Variants in CNTN4 observed in about 807,000 individuals in gnomAD.
CNTN4 encodes contactin-4.
A neutral mutation model predicts 122.5 loss-of-function variants in CNTN4; 77 were observed. The ratio of observed to expected loss-of-function variants is 0.63; its 90% CI spans 0.52 to 0.76. CNTN4 has a LOEUF of 0.76. Ranked by LOEUF, CNTN4 falls within the 30% of genes least tolerant of loss-of-function variation. The probability of loss-of-function intolerance (pLI) is 0.00; values close to 1 mark genes in which losing one functional copy is unlikely to be tolerated. For missense variants in CNTN4, 1,256 were observed against 1,259.1 expected, an observed-to-expected ratio of 1.00 and a Z score of 0.04; for synonymous variants, 512 against 447.0, an observed-to-expected ratio of 1.15 and a Z score of -1.83.
At chr3:2,535,865 T>G (rs371557653) in intron 3 of CNTN4, among the ~76,000 whole-genome samples, 19 of 152,244 alleles carry the variant, frequency 1.2e-4, no homozygotes, top group South Asian at 1.0e-3. Flanking sequence ...TCAAAATGTT[T>G]GAGATGTCTC....
chr3:2,238,263 A>AT (rs2039761586), intron 2 of CNTN4, among the ~76,000 whole-genome samples: 1 of 152,108 alleles, frequency 6.6e-6, no homozygotes, highest in South Asian at 2.1e-4. Flanking sequence ...TTGATTACTG[A>AT]TTTTGACGGG....
intron 2 of CNTN4, among the ~76,000 whole-genome samples, chr3:2,237,113 G>A (rs1048949022): frequency 2.0e-5 from 3 of 152,152 alleles, no homozygotes; most frequent in African/African-American, 7.2e-5. Flanking sequence ...GGAAGACAGT[G>A]AAGCATCTTA....
At chr3:2,241,180 A>G (rs1256311838) in intron 2 of CNTN4, among the ~76,000 whole-genome samples, 2 of 152,190 alleles carry the variant, frequency 1.3e-5, no homozygotes, top group Non-Finnish European at 2.9e-5. Context: ...GATGATATGA[A>G]TATGTAAATA....
chr3:2,843,399 G>T (rs1040812758), intron 7 of CNTN4, among the ~76,000 whole-genome samples: 1 of 152,166 alleles, frequency 6.6e-6, no homozygotes, highest in African/African-American at 2.4e-5. Context: ...TTGATCACAA[G>T]AGCTTCCTAA....
chr3:2,772,357 G>GCCAGGCGCGGTGGCTCACGCC (rs1218393015), intron 6 of CNTN4, among the ~76,000 whole-genome samples: 2 of 151,494 alleles, frequency 1.3e-5, no homozygotes, highest in Admixed American at 6.6e-5. Context: ...TACTTTTGTG[G>GCCAGGCGCGGTGGCTCACGCC]TGAAATCGTC....
intron 14 of CNTN4, among the ~76,000 whole-genome samples, chr3:3,019,987 C>T (rs1398532993): frequency 6.6e-6 from 1 of 151,616 alleles, no homozygotes; most frequent in Non-Finnish European, 1.5e-5. Context: ...TTTTTAAAAT[C>T]AAGAAAAAAG....
intron 4 of CNTN4, among the ~76,000 whole-genome samples, chr3:2,734,406 A>C (rs2088927599): frequency 6.6e-6 from 1 of 152,102 alleles, no homozygotes; most frequent in South Asian, 2.1e-4. Flanking sequence ...GCCTAGTCTA[A>C]TCTTATTGAT....
chr3:2,137,601 T>C (rs2034758850), intron 2 of CNTN4, among the ~76,000 whole-genome samples: 1 of 152,206 alleles, frequency 6.6e-6, no homozygotes, highest in Admixed American at 6.5e-5. Context: ...CTTTATCACA[T>C]TGGAAAGTTT....
intron 2 of CNTN4, among the ~76,000 whole-genome samples, chr3:2,196,077 T>C (rs759976579): frequency 3.3e-5 from 5 of 152,230 alleles, no homozygotes; most frequent in Non-Finnish European, 5.9e-5. Context: ...ATGGTATCTA[T>C]GCTTAATGAA....
At chr3:3,038,281 G>A (rs7622823) in intron 18 of CNTN4, among the ~76,000 whole-genome samples, 4,974 of 152,138 alleles carry the variant, frequency 0.033, 262 homozygotes, top group African/African-American at 0.11. Context: ...GTGGAAGCTC[G>A]CATAATTTCC....
chr3:2,546,986 T>C (rs901354113), intron 3 of CNTN4, among the ~76,000 whole-genome samples: 1 of 152,126 alleles, frequency 6.6e-6, no homozygotes, highest in Non-Finnish European at 1.5e-5. Flanking sequence ...AGATCCCACG[T>C]AATATTGATT....
intron 2 of CNTN4, among the ~76,000 whole-genome samples, chr3:2,332,748 G>A (rs1240244668): frequency 7.5e-6 from 1 of 133,950 alleles, no homozygotes; most frequent in Non-Finnish European, 1.6e-5. Flanking sequence ...GGAGGGGGGA[G>A]GGATAGCTTT....
intron 6 of CNTN4, among the ~76,000 whole-genome samples, chr3:2,811,847 G>C (rs1202100965): frequency 1.3e-5 from 2 of 152,032 alleles, no homozygotes; most frequent in African/African-American, 4.8e-5. Flanking sequence ...TGTATTTTTA[G>C]TAGAGACAGG....
intron 2 of CNTN4, among the ~76,000 whole-genome samples, chr3:2,127,942 T>C (rs1213785579): frequency 6.6e-6 from 1 of 152,238 alleles, no homozygotes; most frequent in Non-Finnish European, 1.5e-5. Flanking sequence ...TTCCTCTGAA[T>C]GCCACTCTTT....
chr3:2,949,652 ACTCT>A (rs2094717301), intron 13 of CNTN4, among the ~76,000 whole-genome samples: 1 of 152,012 alleles, frequency 6.6e-6, no homozygotes, highest in South Asian at 2.1e-4. Flanking sequence ...CTTAAATTCT[ACTCT>A]CTAGACCCCC....
At chr3:2,515,985 A>G (rs1575820609) in intron 3 of CNTN4, among the ~76,000 whole-genome samples, 1 of 152,196 alleles carries the variant, frequency 6.6e-6, no homozygotes, top group African/African-American at 2.4e-5. Context: ...TGGCCATTTG[A>G]TGACAGTAAT....
chr3:2,778,221 T>TC (rs2091424608), intron 6 of CNTN4, among the ~76,000 whole-genome samples: 2 of 117,248 alleles, frequency 1.7e-5, no homozygotes, highest in Non-Finnish European at 3.5e-5. Context: ...CTCAAATAAA[T>TC]AAATAAATAA....
At chr3:2,474,683 C>T (rs2075787296) in intron 3 of CNTN4, among the ~76,000 whole-genome samples, 1 of 152,178 alleles carries the variant, frequency 6.6e-6, no homozygotes, top group Non-Finnish European at 1.5e-5. Flanking sequence ...TACTTTGTGT[C>T]AAGCCATGTT....
chr3:3,044,309 A>G (rs1370396293), intron 23 of CNTN4, among the ~76,000 whole-genome samples: 1 of 152,186 alleles, frequency 6.6e-6, no homozygotes, highest in African/African-American at 2.4e-5. Context: ...TAACAAACCA[A>G]CCTGAAGCTA....
Sources: gnomAD v4.1 joint callset for allele counts (sites outside exome capture counted in the v4.1 genomes callset) on GRCh38, gnomAD v4.1.1 for gene constraint, MANE v1.5 for transcripts, NCBI Gene and HGNC (gene_info 2026-07-23, HGNC 2026-07-21) for gene names.